The following FBXL20 variants were observed in gnomAD, a reference collection of about 807,000 sequenced individuals.
FBXL20 encodes F-box/LRR-repeat protein 20.
In FBXL20, 11 loss-of-function variants were observed where a neutral mutation model predicts 64.0. The ratio of observed to expected loss-of-function variants is 0.17; its 90% CI spans 0.11 to 0.28. The LOEUF (loss-of-function observed/expected upper bound fraction) is 0.28. Ranked by LOEUF, FBXL20 falls within the 10% of genes least tolerant of loss-of-function variation. FBXL20 has a pLI of 1.00. For missense variants in FBXL20, 303 were observed against 526.2 expected (o/e 0.58, Z 4.15); for synonymous variants, 184 against 189.0 (o/e 0.97, Z 0.22).
Position 39,316,703 on chromosome 17 carries a change from C to T in FBXL20, c.105-13064G>A, listed in dbSNP as rs528858707. Among the ~76,000 whole-genome samples, 93 of 152,234 alleles carry T rather than the reference C, an allele frequency of 6.1e-4. 2 individuals are homozygous for T. Among genetic ancestry groups the T allele is most frequent in the Middle Eastern group, 6.8e-3 (2 of 294 alleles). ...AAACTGAAGTTTAAGAAGAATGGGA[C>T]GGCTGGGCACGGTGGCTCACGCCTG... On this transcript the variant is annotated intron_variant, in intron 2 of 14. Transcript: ENST00000264658.
At chr17:39,361,935 T>C (rs1247201810) in intron 1 of FBXL20, among the ~76,000 whole-genome samples, 1 of 149,002 alleles carries the variant, frequency 6.7e-6, no homozygotes, top group Non-Finnish European at 1.5e-5. Context: ...CCATCTCTAA[T>C]ATTTAAAAAG....
intron 7 of FBXL20, among the ~76,000 whole-genome samples, chr17:39,284,235 T>G (rs955965065): frequency 1.3e-5 from 2 of 152,200 alleles, no homozygotes; most frequent in African/African-American, 4.8e-5. Flanking sequence ...ATCATTTATG[T>G]GAAAATATTT....
intron 7 of FBXL20, among the ~76,000 whole-genome samples, chr17:39,284,104 A>G (rs993366299): frequency 6.6e-6 from 1 of 152,196 alleles, no homozygotes; most frequent in Non-Finnish European, 1.5e-5. Context: ...AAGGGCAGCA[A>G]TATCTTACTC....
At chr17:39,325,476 T>G (rs547572917) in intron 2 of FBXL20, among the ~76,000 whole-genome samples, 3 of 152,242 alleles carry the variant, frequency 2.0e-5, no homozygotes, top group African/African-American at 7.2e-5. Flanking sequence ...AATTACCACC[T>G]GAATGTATTG....
intron 2 of FBXL20, among the ~76,000 whole-genome samples, chr17:39,340,677 G>A (rs2047573760): frequency 6.6e-6 from 1 of 151,466 alleles, no homozygotes; most frequent in African/African-American, 2.4e-5. Context: ...ATTTCAAAAT[G>A]AAAACTTAAA....
rs916741667 is a variant in FBXL20, at chr17:39,320,592, AT to A, written c.105-16954del. On this transcript the variant is annotated intron_variant, in intron 2 of 14. Coordinates refer to ENST00000264658, the MANE Select transcript of FBXL20 (RefSeq NM_032875.3). ...GCCCTGTCCAGAATGTCTAGTATGA[AT>A]TTTTTTTTTTTTTTTTTTGAGATAG... Among the ~76,000 whole-genome samples the A allele has an allele frequency of 5.8e-3, 802 of 137,602 alleles. 1 individual carries two copies. Among genetic ancestry groups the A allele is most frequent in the African/African-American group, 5.3e-3 (197 of 36,890 alleles). The allele number at this position is 137,602 out of a possible 152,430, so 90.3% of individuals were successfully genotyped here. A position where few individuals can be genotyped will look rare whatever the true frequency, so the allele number is the denominator to read the frequency against.
chr17:39,356,538 T>C (rs1453769879), intron 1 of FBXL20, among the ~76,000 whole-genome samples: 1 of 152,126 alleles, frequency 6.6e-6, no homozygotes. Flanking sequence ...CTATATTTTA[T>C]AGAGACGGGA....
At position 39,332,623 on chromosome 17, in the gene FBXL20, G is replaced by A. The variant is rs911915482; in HGVS notation, c.104+10557C>T. Among the ~76,000 whole-genome samples the A allele has an allele frequency of 2.1e-5, 3 of 143,638 alleles. No individual in the cohort carries two copies. The Admixed American group carries it at 2.2e-4, about 11-fold the overall frequency. 94.2% of individuals were successfully genotyped at this position (143,638 alleles called of 152,430 possible). On this transcript the variant is annotated intron_variant, in intron 2 of 14. Transcript: ENST00000264658. ...GTGACGTGATCTCGGCTCACTGCAA[G>A]CTCCGCCTCCTGGGTTCACGCCATT...
chr17:39,259,001 T>A lies in FBXL20; in HGVS notation c.*2459A>T, dbSNP rs2046720949. Reference sequence around the variant, plus strand: ...ATGAATAAACAAGTAATCTGCGTTTTTAAAGCGGCACAATAAAACAGGATT... The same window carrying A: ...ATGAATAAACAAGTAATCTGCGTTTATAAAGCGGCACAATAAAACAGGATT... On this transcript the variant is annotated 3_prime_UTR_variant, in exon 15 of 15. Coordinates refer to ENST00000264658, the MANE Select transcript of FBXL20 (RefSeq NM_032875.3). The A allele has an allele frequency of 6.6e-6, 1 of 152,232 alleles. No homozygotes were observed. The allele number at this position is 152,232 out of a possible 1,614,324, so 9.4% of individuals were successfully genotyped here. A position where few individuals can be genotyped will look rare whatever the true frequency, so the allele number is the denominator to read the frequency against.
At chr17:39,393,976 A>C (rs2048159135) in intron 1 of FBXL20, among the ~76,000 whole-genome samples, 3 of 152,204 alleles carry the variant, frequency 2.0e-5, no homozygotes, top group African/African-American at 7.2e-5. Flanking sequence ...TTATATATCT[A>C]ATGAATCCAA....
At chr17:39,384,360 A>G (rs2048056591) in intron 1 of FBXL20, among the ~76,000 whole-genome samples, 1 of 151,970 alleles carries the variant, frequency 6.6e-6, no homozygotes, top group Non-Finnish European at 1.5e-5. Flanking sequence ...CCCCGTCTCT[A>G]TTAAAAATAC....
intron 1 of FBXL20, among the ~76,000 whole-genome samples, chr17:39,346,369 T>A (rs759773223): frequency 6.6e-6 from 1 of 151,824 alleles, no homozygotes; most frequent in Non-Finnish European, 1.5e-5. Flanking sequence ...TCATAATGAA[T>A]GGTTTATTAA....
intron 1 of FBXL20, among the ~76,000 whole-genome samples, chr17:39,399,959 C>T (rs920784254): frequency 1.4e-4 from 21 of 152,186 alleles, no homozygotes; most frequent in African/African-American, 5.1e-4. Context: ...TTCCTGTTAA[C>T]TGCTGAACGT....
At chr17:39,317,387 A>G (rs2047303341) in intron 2 of FBXL20, among the ~76,000 whole-genome samples, 1 of 152,020 alleles carries the variant, frequency 6.6e-6, no homozygotes, top group African/African-American at 2.4e-5. Context: ...ATGTGCCACC[A>G]TGCCTGGCTA....
chr17:39,305,864 G>T (rs891982469), intron 2 of FBXL20, among the ~76,000 whole-genome samples: 1 of 151,914 alleles, frequency 6.6e-6, no homozygotes, highest in African/African-American at 2.4e-5. Flanking sequence ...GGGGGCGCTT[G>T]TAATCCCAGC....
At chr17:39,310,164 A>AG (rs1567874020) in intron 2 of FBXL20, among the ~76,000 whole-genome samples, 13 of 151,420 alleles carry the variant, frequency 8.6e-5, no homozygotes, top group African/African-American at 2.4e-5. Context: ...AAAAAAAAAA[A>AG]AAAAGAAAAG....
chr17:39,304,801 TGA>T (rs1223162907), intron 2 of FBXL20, among the ~76,000 whole-genome samples: 1 of 151,992 alleles, frequency 6.6e-6, no homozygotes, highest in Non-Finnish European at 1.5e-5. Flanking sequence ...TTTGTTTTTT[TGA>T]GAGAGACTCA....
chr17:39,294,496 G>A (rs1308338996), intron 6 of FBXL20, among the ~76,000 whole-genome samples: 1 of 151,642 alleles, frequency 6.6e-6, no homozygotes, highest in Non-Finnish European at 1.5e-5. Context: ...GCCGAGGTTG[G>A]GCTAAAGTAA....
intron 2 of FBXL20, among the ~76,000 whole-genome samples, chr17:39,339,969 C>T (rs1031135501): frequency 1.1e-4 from 16 of 150,820 alleles, no homozygotes; most frequent in Admixed American, 7.9e-4. Context: ...AATGCAGTCT[C>T]GCTTTGTCGC....
Sources: gnomAD v4.1 joint callset for allele counts (sites outside exome capture counted in the v4.1 genomes callset) on GRCh38, gnomAD v4.1.1 for gene constraint, MANE v1.5 for transcripts, NCBI Gene and HGNC (gene_info 2026-07-23, HGNC 2026-07-21) for gene names.